SORBS2: variants seen among roughly 807,000 people sequenced by gnomAD.
SORBS2 encodes the protein sorbin and SH3 domain containing 2, also known as sorbin and SH3 domain-containing protein 2.
SORBS2 carries 46 observed loss-of-function variants against 97.7 expected under a neutral mutation model. That is an observed-to-expected ratio of 0.47 (90% CI 0.37 to 0.60). The LOEUF (loss-of-function observed/expected upper bound fraction) is 0.60. Among genes scored for constraint, SORBS2 ranks in the 20% least tolerant of loss-of-function variants. The probability of loss-of-function intolerance (pLI) is 0.00; values close to 1 mark genes in which losing one functional copy is unlikely to be tolerated. For synonymous variants in SORBS2, 476 were observed against 473.4 expected (o/e 1.01, Z -0.07); for missense variants, 1,316 against 1,282.3 (o/e 1.03, Z -0.40).
intron 1 of SORBS2, among the ~76,000 whole-genome samples, chr4:185,916,328 C>G (rs1325210276): frequency 6.6e-6 from 1 of 152,182 alleles, no homozygotes. Context: ...ATGGCTGTCC[C>G]ACCAGGCAGC....
intron 1 of SORBS2, among the ~76,000 whole-genome samples, chr4:185,777,405 C>G (rs1311703901): frequency 6.6e-6 from 1 of 151,818 alleles, no homozygotes; most frequent in Non-Finnish European, 1.5e-5. Flanking sequence ...CAGACAGACA[C>G]ATTTTTTAAT....
At chr4:185,658,976 G>A (rs2097460436), upstream of SORBS2, among the ~76,000 whole-genome samples, 1 of 152,106 alleles carries the variant, frequency 6.6e-6, no homozygotes, top group East Asian at 1.9e-4. Context: ...AAAGTGCTGG[G>A]ATTACAGGCG....
chr4:185,676,210 C>T (rs2097786836), intron 4 of SORBS2, among the ~76,000 whole-genome samples: 2 of 152,296 alleles, frequency 1.3e-5, no homozygotes, highest in African/African-American at 4.8e-5. Context: ...TTAGTATTCT[C>T]ATTTCTTTGT....
At chr4:185,761,976 A>C (rs985931906) in intron 2 of SORBS2, among the ~76,000 whole-genome samples, 1 of 152,232 alleles carries the variant, frequency 6.6e-6, no homozygotes, top group Non-Finnish European at 1.5e-5. Flanking sequence ...GGAAGTCTAC[A>C]TGCAAAGCTG....
chr4:185,655,647 T>G (rs568500835), intron 1 of SORBS2, among the ~76,000 whole-genome samples: 14 of 152,360 alleles, frequency 9.2e-5, no homozygotes, highest in African/African-American at 3.4e-4. Flanking sequence ...AAATGTTTAG[T>G]GTGTTTGCTT....
At chr4:185,652,636 A>G (rs745330423) in intron 2 of SORBS2, 26 bp downstream of exon 10, 1 of 1,598,644 alleles carries the variant, frequency 6.3e-7, no homozygotes, top group South Asian at 1.1e-5. Context: ...CAAGGACCTC[A>G]TCAGAAAGCA....
At chr4:185,797,993 T>A (rs1295689736) in intron 1 of SORBS2, among the ~76,000 whole-genome samples, 1 of 152,140 alleles carries the variant, frequency 6.6e-6, no homozygotes, top group Non-Finnish European at 1.5e-5. Flanking sequence ...GATTATCAGT[T>A]TCCCCTCCCT....
rs1192336647 is a variant in SORBS2 at position 185,623,017 on chromosome 4, G to C, written c.2112C>G (p.Pro704=). 1.2e-6 allele frequency: 2 copies of C among 1,614,074 alleles called. No individual in the cohort carries two copies. Among genetic ancestry groups the C allele is most frequent in the Admixed American group, 3.3e-5 (2 of 60,006 alleles). Residue 704 remains proline (P), a synonymous_variant, in exon 7 of 15, where the codon CCC becomes CCG. Coordinates refer to ENST00000418609, the Ensembl canonical transcript of SORBS2. The surrounding 1 kb of genome is among the most constrained non-coding windows in gnomAD (Gnocchi z 6.4). ...GCATTCTCCCGCAGTCATTCTGGTAGGGTGGACAATGAATAGCACCATCGG... is the reference window on the plus strand; with the variant it reads ...GCATTCTCCCGCAGTCATTCTGGTACGGTGGACAATGAATAGCACCATCGG...
intron 1 of SORBS2, among the ~76,000 whole-genome samples, chr4:185,850,047 A>G (rs1205432401): frequency 6.6e-6 from 1 of 152,204 alleles, no homozygotes; most frequent in Admixed American, 6.5e-5. Flanking sequence ...AGGCCTGTGC[A>G]GATACTGATT....
Position 185,624,061 on chromosome 4 carries a change from C to A in SORBS2, c.1068G>T (p.Met356Ile), listed in dbSNP as rs779305717. ...GGTTGATGCGGTGCATTTTCTTGTA[C>A]ATCTTCAGGAACCCCGGGGCGTTGC... The change falls in exon 7 of 15, where the codon ATG becomes ATT. Residue 356 changes from methionine (M) to isoleucine (I), a missense_variant. By Grantham distance (10) the Met-to-Ile change is conservative (BLOSUM62 1). Coordinates refer to ENST00000418609, the Ensembl canonical transcript of SORBS2. 5.6e-6 allele frequency: 9 copies of A among 1,614,040 alleles called. No individual in the cohort carries two copies. The African/African-American group carries it at 9.3e-5, about 17-fold the overall frequency.
chr4:185,834,623 G>A (rs1416229048), intron 1 of SORBS2, among the ~76,000 whole-genome samples: 1 of 151,772 alleles, frequency 6.6e-6, no homozygotes, highest in African/African-American at 2.4e-5. Flanking sequence ...TACTCTTCTT[G>A]TTTCCAAAAT....
chr4:185,811,418 T>C (rs2099184003), intron 1 of SORBS2, among the ~76,000 whole-genome samples: 2 of 152,306 alleles, frequency 1.3e-5, no homozygotes, highest in East Asian at 1.9e-4. Flanking sequence ...ACAGTAAATA[T>C]TGGTTTTAAA....
chr4:185,834,429 A>C lies in SORBS2; in HGVS notation c.-337-59063T>G, dbSNP rs530172554. 2.1e-4 allele frequency among the ~76,000 whole-genome samples: 32 copies of C among 152,302 alleles called. No homozygotes were observed. In the East Asian group the frequency reaches 5.4e-3, roughly 26 times the overall value. On this transcript the variant is annotated intron_variant, in intron 1 of 20. Coordinates refer to the SORBS2 transcript ENST00000284776. Reference sequence around the variant, plus strand: ...TTTATGGTGTATTGTTAGCATGTACACGTTTCTATCATGTGCTTAAGAGCA... The same window carrying C: ...TTTATGGTGTATTGTTAGCATGTACCCGTTTCTATCATGTGCTTAAGAGCA...
chr4:185,703,162 C>G (rs939905410), intron 2 of SORBS2, among the ~76,000 whole-genome samples: 12 of 152,308 alleles, frequency 7.9e-5, no homozygotes, highest in Admixed American at 7.8e-4. Context: ...TATATTATCT[C>G]CAGTGCCCTA....
chr4:185,759,243 G>A (rs1016958803), intron 2 of SORBS2, among the ~76,000 whole-genome samples: 13 of 152,156 alleles, frequency 8.5e-5, no homozygotes, highest in African/African-American at 2.9e-4. Context: ...ATATGGAGTA[G>A]GCGTTAAAAA....
chr4:185,944,980 G>T (rs2099273862), intron 1 of SORBS2, among the ~76,000 whole-genome samples: 1 of 152,178 alleles, frequency 6.6e-6, no homozygotes, highest in Non-Finnish European at 1.5e-5. Context: ...CTAATATCAA[G>T]CCTTTAAAGG....
chr4:185,642,784 C>A (rs1157170678), intron 4 of SORBS2, among the ~76,000 whole-genome samples: 5 of 152,170 alleles, frequency 3.3e-5, no homozygotes, highest in Non-Finnish European at 5.9e-5. Flanking sequence ...ACAGTACTAC[C>A]CCCCTGCCTT....
intron 2 of SORBS2, among the ~76,000 whole-genome samples, chr4:185,727,541 G>T (rs1191153145): frequency 6.6e-6 from 1 of 152,080 alleles, no homozygotes; most frequent in African/African-American, 2.4e-5. Flanking sequence ...ACTAAATTAA[G>T]CTTTTATCAG....
chr4:185,708,527 T>C (rs776690485), intron 2 of SORBS2, among the ~76,000 whole-genome samples: 42 of 152,196 alleles, frequency 2.8e-4, no homozygotes, highest in Non-Finnish European at 5.0e-4. Context: ...CACAGGAGCA[T>C]TCAAAAATGA....
Sources: gnomAD v4.1 joint callset for allele counts (sites outside exome capture counted in the v4.1 genomes callset) on GRCh38, gnomAD v4.1.1 for gene constraint, Gnocchi (gnomAD v3.1) non-coding constraint, MANE v1.5 for transcripts, NCBI Gene and HGNC (gene_info 2026-07-23, HGNC 2026-07-21) for gene names.